The following HDAC8 variants were observed in gnomAD, a reference collection of about 807,000 sequenced individuals.
HDAC8 encodes the protein histone deacetylase 8.
Under a neutral mutation model 32.2 loss-of-function variants are expected in HDAC8, and 1 was observed. That is an observed-to-expected ratio of 0.03 (90% CI 0.01 to 0.15). HDAC8 has a LOEUF of 0.15. HDAC8 is among the 10% of genes least tolerant of loss of function. The probability of loss-of-function intolerance (pLI) is 1.00; values close to 1 mark genes in which losing one functional copy is unlikely to be tolerated. For missense variants in HDAC8, 117 were observed against 300.0 expected (o/e 0.39, Z 4.51); for synonymous variants, 108 against 113.9 (o/e 0.95, Z 0.33).
At chrX:72,549,617 C>T (rs1386840601) in intron 4 of HDAC8, among the ~76,000 whole-genome samples, 1 of 111,757 alleles carries the variant, frequency 8.9e-6, no homozygotes, top group Non-Finnish European at 1.9e-5. Context: ...GCCCTATTAT[C>T]AGCTCTCTAA....
Position 72,561,067 on chromosome X carries a change from A to G in HDAC8, c.437+6822T>C, listed in dbSNP as rs1027395128. ...AATCAGAGACAACACAAATGAAAACACATTCCATGCTCATGGATGGGTAGA... is the reference window on the plus strand; with the variant it reads ...AATCAGAGACAACACAAATGAAAACGCATTCCATGCTCATGGATGGGTAGA... On this transcript the variant is annotated intron_variant, in intron 4 of 10. Coordinates refer to ENST00000373573, the MANE Select transcript of HDAC8 (RefSeq NM_018486.3). 8.9e-5 allele frequency among the ~76,000 whole-genome samples: 10 copies of G among 112,367 alleles called. No individual in the cohort carries two copies. The East Asian group carries it at 2.8e-3, about 31-fold the overall frequency.
At chrX:72,440,776 TA>T (rs1410661168) in intron 9 of HDAC8, among the ~76,000 whole-genome samples, 1 of 111,880 alleles carries the variant, frequency 8.9e-6, no homozygotes, top group African/African-American at 3.2e-5. Context: ...TTCCCTTTCC[TA>T]CTCAAAGAAA....
intron 4 of HDAC8, among the ~76,000 whole-genome samples, chrX:72,542,371 C>T (rs1036411843): frequency 8.9e-6 from 1 of 112,117 alleles, no homozygotes; most frequent in Non-Finnish European, 1.9e-5. Context: ...GGAGTTGGTG[C>T]TACTGTAATC....
chrX:72,347,140 C>A (rs1263579438), intron 10 of HDAC8, among the ~76,000 whole-genome samples: 1 of 111,797 alleles, frequency 8.9e-6, no homozygotes, highest in Non-Finnish European at 1.9e-5. Flanking sequence ...TAAAGGCGAT[C>A]TTGGCCAAGT....
At chrX:72,459,500 T>C (rs1179975038) in intron 9 of HDAC8, among the ~76,000 whole-genome samples, 1 of 110,919 alleles carries the variant, frequency 9.0e-6, no homozygotes, top group African/African-American at 3.3e-5. Context: ...CGGCTGCAAC[T>C]GACCACTGCA....
intron 9 of HDAC8, among the ~76,000 whole-genome samples, chrX:72,440,352 A>G (rs1211030629): frequency 8.9e-6 from 1 of 111,872 alleles, no homozygotes; most frequent in Non-Finnish European, 1.9e-5. Flanking sequence ...TATAGCACTA[A>G]GTGCCCACAA....
chrX:72,359,309 T>C (rs2044469599), intron 9 of HDAC8, among the ~76,000 whole-genome samples: 1 of 110,050 alleles, frequency 9.1e-6, no homozygotes, highest in Non-Finnish European at 1.9e-5. Context: ...GCTCCTAACA[T>C]AAGGCCTGGA....
At chrX:72,408,158 G>T (rs1356253927) in intron 9 of HDAC8, among the ~76,000 whole-genome samples, 1 of 111,631 alleles carries the variant, frequency 9.0e-6, no homozygotes, top group African/African-American at 3.3e-5. Flanking sequence ...CTAGGGGAGG[G>T]ACAGAACTGA....
chrX:72,564,322 T>G (rs1264401724), intron 4 of HDAC8, among the ~76,000 whole-genome samples: 1 of 112,565 alleles, frequency 8.9e-6, no homozygotes, highest in East Asian at 2.8e-4. Flanking sequence ...AGGAGTGGGT[T>G]AGATAATACA....
At chrX:72,426,472 T>G (rs1177319880) in intron 9 of HDAC8, among the ~76,000 whole-genome samples, 1 of 112,163 alleles carries the variant, frequency 8.9e-6, no homozygotes, top group Non-Finnish European at 1.9e-5. Context: ...GTTCAAAGTT[T>G]GTGTAAAATT....
chrX:72,427,662 T>C (rs2046687699), intron 9 of HDAC8, among the ~76,000 whole-genome samples: 1 of 106,668 alleles, frequency 9.4e-6, no homozygotes, highest in Non-Finnish European at 1.9e-5. Context: ...AGTTAATGTG[T>C]GCAGCACACC....
Position 72,355,783 on chromosome X carries a change from T to A in HDAC8, c.1006-3945A>T, listed in dbSNP as rs147450038. Among the ~76,000 whole-genome samples, 876 of 111,995 alleles carry A rather than the reference T, an allele frequency of 7.8e-3. 10 individuals are homozygous for A. Among genetic ancestry groups the A allele is most frequent in the African/African-American group, 0.027 (829 of 30,778 alleles). On this transcript the variant is annotated intron_variant, in intron 9 of 10. Transcript: ENST00000373573. The stretch of plus-strand genomic sequence containing the variant: ...GAAGAAGCCCTAAGGTTGCTGTTAT[T>A]CCTCCATAATCATGTTTGATTAGAG...
At chrX:72,344,029 AT>A (rs2043958606) in intron 10 of HDAC8, among the ~76,000 whole-genome samples, 1 of 111,717 alleles carries the variant, frequency 9.0e-6, no homozygotes, top group South Asian at 3.8e-4. Flanking sequence ...TGCCGCTCCC[AT>A]TTTTGGCCAG....
intron 4 of HDAC8, among the ~76,000 whole-genome samples, chrX:72,509,368 C>T (rs1411705082): frequency 9.0e-6 from 1 of 111,418 alleles, no homozygotes; most frequent in Non-Finnish European, 1.9e-5. Flanking sequence ...CTCGGCCTCC[C>T]AAAGTGCTGG....
intron 9 of HDAC8, among the ~76,000 whole-genome samples, chrX:72,370,809 G>A (rs1454093735): frequency 8.9e-6 from 1 of 112,109 alleles, no homozygotes; most frequent in Non-Finnish European, 1.9e-5. Flanking sequence ...AAAGATGTAG[G>A]CTGGGACGCT....
chrX:72,387,723 C>T (rs2045482371), intron 9 of HDAC8, among the ~76,000 whole-genome samples: 1 of 112,161 alleles, frequency 8.9e-6, no homozygotes, highest in South Asian at 3.7e-4. Context: ...GTAATCACTC[C>T]ATGAGTGCTT....
chrX:72,362,279 C>T (rs375751997), intron 9 of HDAC8, among the ~76,000 whole-genome samples: 1 of 111,474 alleles, frequency 9.0e-6, no homozygotes, highest in Non-Finnish European at 1.9e-5. Flanking sequence ...CCTCCCCCGT[C>T]TCTCTCTTGC....
At chrX:72,331,632 C>CAAAA (rs202058788) in intron 10 of HDAC8, among the ~76,000 whole-genome samples, 30 of 106,146 alleles carry the variant, frequency 2.8e-4, no homozygotes, top group African/African-American at 7.9e-4. Flanking sequence ...CAGGAAGCTG[C>CAAAA]AAAAAAAAAA....
intron 9 of HDAC8, among the ~76,000 whole-genome samples, chrX:72,365,741 G>A (rs2044679088): frequency 8.9e-6 from 1 of 112,132 alleles, no homozygotes; most frequent in Admixed American, 9.4e-5. Flanking sequence ...TTTGAATAAT[G>A]CATCTTTCTT....
Sources: gnomAD v4.1 joint callset for allele counts (sites outside exome capture counted in the v4.1 genomes callset) on GRCh38, gnomAD v4.1.1 for gene constraint, MANE v1.5 for transcripts, NCBI Gene and HGNC (gene_info 2026-07-23, HGNC 2026-07-21) for gene names.